Variants in LSM14A observed in about 807,000 individuals in gnomAD.
LSM14A encodes LSM14A mRNA processing body assembly factor.
In LSM14A, 14 loss-of-function variants were observed where a neutral mutation model predicts 52.4. That is an observed-to-expected ratio of 0.27 (90% CI 0.18 to 0.42). The LOEUF (loss-of-function observed/expected upper bound fraction) is 0.42, where lower values mean the gene tolerates loss of function less well. Among genes scored for constraint, LSM14A ranks in the 10% least tolerant of loss-of-function variants. The pLI, the probability that LSM14A is intolerant of heterozygous loss-of-function variation, is 1.00. For synonymous variants in LSM14A, 185 were observed against 200.3 expected (o/e 0.92, Z 0.64); for missense variants, 417 against 581.8 (o/e 0.72, Z 2.91).
At chr19:34,199,488 T>C (rs912255970) in intron 3 of LSM14A, among the ~76,000 whole-genome samples, 27 of 152,192 alleles carry the variant, frequency 1.8e-4, no homozygotes, top group African/African-American at 6.3e-4. Flanking sequence ...ATGAATAAAA[T>C]ACTTATGTTG....
At position 34,226,373 on chromosome 19, in the gene LSM14A, CTCT is replaced by C. The variant is rs2145914856; in HGVS notation, c.1369-990_1369-988del. ...CTCCCTCTCCTGTCCCCATCTCTTT[CTCT>C]TTTTTTTTTTTTTTTTTTTTTTACC... On this transcript the variant is annotated intron_variant, in intron 9 of 9. Coordinates refer to ENST00000544216, the MANE Select transcript of LSM14A (RefSeq NM_015578.4). 5.0e-5 allele frequency: 64 copies of C among 1,282,572 alleles called. No individual in the cohort carries two copies. In the African/African-American group the frequency reaches 8.5e-4, roughly 17 times the overall value. 79.4% of individuals were successfully genotyped at this position (1,282,572 alleles called of 1,614,324 possible).
At chr19:34,204,384 A>G (rs750157252) in intron 3 of LSM14A, among the ~76,000 whole-genome samples, 19 of 152,304 alleles carry the variant, frequency 1.2e-4, no homozygotes, top group Middle Eastern at 3.4e-3. Flanking sequence ...CTAATGGATC[A>G]GAGGAGAATT....
chr19:34,226,055 T>G (rs1319604672), intron 9 of LSM14A, among the ~76,000 whole-genome samples: 1 of 151,110 alleles, frequency 6.6e-6, no homozygotes, highest in African/African-American at 2.4e-5. Flanking sequence ...GAGCGAGGCC[T>G]GTCTCAAAAA....
intron 1 of LSM14A, among the ~76,000 whole-genome samples, chr19:34,175,928 T>A (rs1031910987): frequency 1.3e-5 from 2 of 152,160 alleles, no homozygotes; most frequent in Admixed American, 6.5e-5. Flanking sequence ...CGATCTTGGC[T>A]CGCTGCAGCC....
chr19:34,209,863 G>C (rs912741972), intron 4 of LSM14A, among the ~76,000 whole-genome samples: 8 of 142,110 alleles, frequency 5.6e-5, no homozygotes, highest in African/African-American at 2.0e-4. Flanking sequence ...TTTTTTTAAA[G>C]ATAGGTCTCA....
chr19:34,219,302 G>C, intron 6 of LSM14A, 89 bp from the exon 7 acceptor site: 1 of 740,218 alleles, frequency 1.4e-6, no homozygotes, highest in African/African-American at 1.8e-5. Context: ...GTTGTTGACT[G>C]TTGAATCTAA....
intron 3 of LSM14A, among the ~76,000 whole-genome samples, chr19:34,203,982 G>T (rs1040353347): frequency 6.7e-6 from 1 of 149,630 alleles, no homozygotes; most frequent in East Asian, 1.9e-4. Context: ...AATAGAAAAA[G>T]GTATACCATA....
chr19:34,192,310 C>CTTTTTTTTT (rs1568479681), intron 1 of LSM14A, among the ~76,000 whole-genome samples: 13 of 51,648 alleles, frequency 2.5e-4, no homozygotes, highest in South Asian at 4.8e-4. Flanking sequence ...AAATAACATT[C>CTTTTTTTTT]TTTTTGTTGT....
intron 3 of LSM14A, among the ~76,000 whole-genome samples, chr19:34,200,923 T>A (rs569533730): frequency 6.6e-6 from 1 of 152,314 alleles, no homozygotes; most frequent in African/African-American, 2.4e-5. Flanking sequence ...TCATTATACT[T>A]CTTATGTTAC....
At chr19:34,199,739 G>C (rs986593668) in intron 3 of LSM14A, among the ~76,000 whole-genome samples, 3 of 151,958 alleles carry the variant, frequency 2.0e-5, no homozygotes, top group Non-Finnish European at 4.4e-5. Flanking sequence ...AAGGAACAAG[G>C]GCCCATTGAA....
rs541021747 is a variant in LSM14A at position 34,196,045 on chromosome 19, T to G, written c.286-589T>G. ...CTTCATGTTTATATTATGAAACAGT[T>G]TATAGTAAGATAATATATGAAGTAT... On this transcript the variant is annotated intron_variant, in intron 2 of 9. Coordinates refer to ENST00000544216, the MANE Select transcript of LSM14A (RefSeq NM_015578.4). Among the ~76,000 whole-genome samples the G allele has an allele frequency of 1.6e-4, 25 of 152,310 alleles. No individual in the cohort carries two copies. The East Asian group carries it at 2.9e-3, about 18-fold the overall frequency.
At chr19:34,181,262 T>C (rs1310714695) in intron 1 of LSM14A, among the ~76,000 whole-genome samples, 1 of 152,210 alleles carries the variant, frequency 6.6e-6, no homozygotes, top group Non-Finnish European at 1.5e-5. Flanking sequence ...TAGGCAGTTA[T>C]TTCTTCTACC....
At chr19:34,178,745 CATTTCCCTATAAAATTAA>C (rs1180611957) in intron 1 of LSM14A, among the ~76,000 whole-genome samples, 1 of 152,196 alleles carries the variant, frequency 6.6e-6, no homozygotes, top group Non-Finnish European at 1.5e-5. Context: ...TTCACAATTG[CATTTCCCTATAAAATTAA>C]ATTATCCTGC....
Position 34,219,028 on chromosome 19 carries a change from G to A in LSM14A, c.782-363G>A, listed in dbSNP as rs183480524. On this transcript the variant is annotated intron_variant, in intron 6 of 9. Coordinates refer to ENST00000544216, the MANE Select transcript of LSM14A (RefSeq NM_015578.4). ...TGTGTGTCTGGCACTTCAGTTTGCC[G>A]GTGTTGGGGATATAGCAGTAAGGAA... 3.9e-5 allele frequency among the ~76,000 whole-genome samples: 6 copies of A among 152,262 alleles called. No individual in the cohort carries two copies. The East Asian group carries it at 9.6e-4, about 24-fold the overall frequency.
intron 3 of LSM14A, among the ~76,000 whole-genome samples, chr19:34,205,595 T>G (rs891214586): frequency 1.4e-4 from 21 of 151,542 alleles, no homozygotes; most frequent in African/African-American, 5.1e-4. Flanking sequence ...AGTGGGAGGA[T>G]TCCTTGAGCC....
At chr19:34,223,864 C>G (rs536184936) in intron 9 of LSM14A, among the ~76,000 whole-genome samples, 1 of 152,306 alleles carries the variant, frequency 6.6e-6, no homozygotes, top group South Asian at 2.1e-4. Flanking sequence ...TAAAGAGTTG[C>G]ACCATTTATT....
intron 6 of LSM14A, among the ~76,000 whole-genome samples, chr19:34,217,938 A>G (rs899751971): frequency 2.0e-5 from 3 of 148,610 alleles, no homozygotes; most frequent in African/African-American, 7.5e-5. Context: ...AACAGTGCAT[A>G]TTCTTCCCGA....
intron 3 of LSM14A, among the ~76,000 whole-genome samples, chr19:34,207,236 G>T (rs937342403): frequency 2.0e-5 from 3 of 152,128 alleles, no homozygotes; most frequent in African/African-American, 7.2e-5. Flanking sequence ...GTAATCCAGA[G>T]GACAAGCAAT....
chr19:34,191,184 T>A (rs1002136895), intron 1 of LSM14A, among the ~76,000 whole-genome samples: 1 of 152,220 alleles, frequency 6.6e-6, no homozygotes, highest in African/African-American at 2.4e-5. Context: ...GTTTTATTTA[T>A]CTTGTGTAAT....
Sources: allele counts gnomAD v4.1 joint callset (sites outside exome capture counted in the v4.1 genomes callset), GRCh38; gene constraint gnomAD v4.1.1; transcripts MANE v1.5; gene names NCBI Gene and HGNC (gene_info 2026-07-23, HGNC 2026-07-21).